The following DNM3 variants were observed in gnomAD, a reference collection of about 807,000 sequenced individuals.
The protein encoded by DNM3 is dynamin 3.
Under a neutral mutation model 101.6 loss-of-function variants are expected in DNM3, and 47 were observed. The ratio of observed to expected loss-of-function variants is 0.46; its 90% CI spans 0.37 to 0.59. The LOEUF (loss-of-function observed/expected upper bound fraction) is 0.59. Among genes scored for constraint, DNM3 ranks in the 20% least tolerant of loss-of-function variants. The pLI is 0.00. For missense variants in DNM3, 849 were observed against 1,085.7 expected (o/e 0.78, Z 3.06); for synonymous variants, 385 against 387.9 (o/e 0.99, Z 0.09).
At chr1:172,188,420 T>G (rs1160955059) in intron 14 of DNM3, among the ~76,000 whole-genome samples, 2 of 152,074 alleles carry the variant, frequency 1.3e-5, no homozygotes, top group African/African-American at 4.8e-5. Flanking sequence ...GAATTGAACC[T>G]GGGCTGTCAT....
chr1:172,198,086 T>C (rs2209098), intron 14 of DNM3, among the ~76,000 whole-genome samples: 40,006 of 152,074 alleles, frequency 0.26, 5,724 homozygotes, highest in Middle Eastern at 0.34. Flanking sequence ...TGTCCTTCAA[T>C]GCCTAGTTTA....
chr1:172,077,302 G>A (rs771151631), intron 11 of DNM3, among the ~76,000 whole-genome samples: 5 of 151,722 alleles, frequency 3.3e-5, no homozygotes, highest in Admixed American at 1.3e-4. Flanking sequence ...AGGGGTTTTC[G>A]TGTCTCTGTC....
At chr1:172,197,314 T>C (rs2059990427) in intron 14 of DNM3, among the ~76,000 whole-genome samples, 1 of 152,168 alleles carries the variant, frequency 6.6e-6, no homozygotes, top group South Asian at 2.1e-4. Flanking sequence ...ACTGTAGCCT[T>C]GTAATATAGT....
intron 10 of DNM3, among the ~76,000 whole-genome samples, chr1:172,054,090 T>C (rs1375402423): frequency 6.6e-6 from 1 of 152,200 alleles, no homozygotes; most frequent in Admixed American, 6.5e-5. Context: ...TATATATTTC[T>C]GTTATAGCAT....
chr1:171,945,859 T>C (rs996407769), intron 2 of DNM3, among the ~76,000 whole-genome samples: 1 of 152,056 alleles, frequency 6.6e-6, no homozygotes, highest in Non-Finnish European at 1.5e-5. Flanking sequence ...CAGTGATACA[T>C]ATGGAAAGTG....
At chr1:172,392,111 G>A (rs2069576042) in intron 20 of DNM3, among the ~76,000 whole-genome samples, 1 of 152,170 alleles carries the variant, frequency 6.6e-6, no homozygotes, top group Non-Finnish European at 1.5e-5. Flanking sequence ...AGGTGGTGGA[G>A]TCATTTTTGG....
At position 172,313,412 on chromosome 1, in the gene DNM3, A is replaced by G. The variant is rs564015038; in HGVS notation, c.1881+4573A>G. 2.0e-5 allele frequency among the ~76,000 whole-genome samples: 3 copies of G among 152,376 alleles called. No homozygotes were observed. In the South Asian group the frequency reaches 6.2e-4, roughly 32 times the overall value. On this transcript the variant is annotated intron_variant, in intron 16 of 20. Transcript: ENST00000627582. ...TATAAATAAATGTGAATTTGATTTAATATCTAAAGAACATGATATAACAAA... is the reference window on the plus strand; with the variant it reads ...TATAAATAAATGTGAATTTGATTTAGTATCTAAAGAACATGATATAACAAA...
At position 172,032,526 on chromosome 1, in the gene DNM3, CTTTTTTTTTTTTTTT is replaced by C. The variant is rs750270768; in HGVS notation, c.688+41_688+55del. 3.0e-4 allele frequency: 110 copies of C among 360,742 alleles called. 1 individual carries two copies. Among genetic ancestry groups the C allele is most frequent in the Middle Eastern group, 2.1e-3 (2 of 962 alleles). 22.3% of individuals were successfully genotyped at this position (360,742 alleles called of 1,614,324 possible). A position where few individuals can be genotyped will look rare whatever the true frequency, so the allele number is the denominator to read the frequency against. On this transcript the variant is annotated intron_variant, in intron 5 of 20. Transcript: ENST00000627582. Reference sequence around the variant, plus strand: ...GTAATGTACTGTGGTCTATACAAGACTTTTTTTTTTTTTTTTTTTTTTTTTTTTTGTTATATGGAA... The same window carrying C: ...GTAATGTACTGTGGTCTATACAAGACTTTTTTTTTTTTTTGTTATATGGAA...
At chr1:171,877,842 G>C (rs180816866) in intron 1 of DNM3, among the ~76,000 whole-genome samples, 116 of 152,264 alleles carry the variant, frequency 7.6e-4, no homozygotes, top group African/African-American at 2.6e-3. Context: ...GATGTGAATT[G>C]CCTCATTCAT....
intron 14 of DNM3, among the ~76,000 whole-genome samples, chr1:172,132,660 T>G (rs552753163): frequency 2.0e-5 from 3 of 152,168 alleles, no homozygotes; most frequent in Non-Finnish European, 4.4e-5. Context: ...TTTATGTGCA[T>G]TTAAATACGT....
chr1:171,900,285 G>T (rs2038191205), intron 1 of DNM3, among the ~76,000 whole-genome samples: 1 of 152,118 alleles, frequency 6.6e-6, no homozygotes, highest in Admixed American at 6.6e-5. Context: ...TAGAAATCTG[G>T]GGCTCAGAAG....
chr1:172,121,460 G>A (rs971929727), intron 13 of DNM3, among the ~76,000 whole-genome samples: 1 of 152,230 alleles, frequency 6.6e-6, no homozygotes, highest in African/African-American at 2.4e-5. Context: ...AAGCCACAGA[G>A]GCATAAAAAA....
intron 2 of DNM3, among the ~76,000 whole-genome samples, chr1:171,981,047 G>A (rs1571936423): frequency 1.3e-5 from 2 of 152,112 alleles, no homozygotes; most frequent in Non-Finnish European, 2.9e-5. Flanking sequence ...GATTATAGGC[G>A]TGAGCCACCG....
chr1:172,219,377 C>CAAAAAAAAAAAAAAAAAAAAAAAAAA (rs58783160), intron 14 of DNM3, among the ~76,000 whole-genome samples: 1 of 56,300 alleles, frequency 1.8e-5, no homozygotes, highest in Non-Finnish European at 3.1e-5. Context: ...TACCCTGTCT[C>CAAAAAAAAAAAAAAAAAAAAAAAAAA]AAAAAAAAAA....
chr1:171,841,852 GT>G (rs1334692256), intron 1 of DNM3, 35 bp downstream of exon 1: 20 of 1,586,666 alleles, frequency 1.3e-5, no homozygotes, highest in Non-Finnish European at 1.5e-5. Flanking sequence ...GGATGCGGCA[GT>G]GGGGCGACCC....
At chr1:172,155,300 A>C (rs1383558844) in intron 14 of DNM3, among the ~76,000 whole-genome samples, 1 of 151,964 alleles carries the variant, frequency 6.6e-6, no homozygotes, top group Admixed American at 6.6e-5. Flanking sequence ...TTGCAAAAAA[A>C]AAAAAACCTG....
At chr1:171,899,956 A>G (rs963982779) in intron 1 of DNM3, among the ~76,000 whole-genome samples, 3 of 152,244 alleles carry the variant, frequency 2.0e-5, no homozygotes, top group East Asian at 3.8e-4. Flanking sequence ...CAGATAGAAG[A>G]AACTGCATGT....
chr1:172,360,643 A>G (rs1262169796), intron 17 of DNM3, among the ~76,000 whole-genome samples: 2 of 152,024 alleles, frequency 1.3e-5, no homozygotes, highest in Non-Finnish European at 2.9e-5. Flanking sequence ...GTTGTGTAAC[A>G]CACCCAGCTC....
chr1:172,300,491 G>T (rs977136618), intron 15 of DNM3, among the ~76,000 whole-genome samples: 1 of 152,036 alleles, frequency 6.6e-6, no homozygotes, highest in African/African-American at 2.4e-5. Flanking sequence ...GTATTTTCTA[G>T]ATTTTCTTCT....
Sources: allele counts gnomAD v4.1 joint callset (sites outside exome capture counted in the v4.1 genomes callset), GRCh38; gene constraint gnomAD v4.1.1; transcripts MANE v1.5; gene names NCBI Gene and HGNC (gene_info 2026-07-23, HGNC 2026-07-21).